Variants in GALNT13 observed in about 807,000 individuals in gnomAD.
GALNT13 encodes the protein polypeptide N-acetylgalactosaminyltransferase 13, also known as UDP-GalNAc:polypeptide N-acetylgalactosaminyltransferase 13.
GALNT13 carries 28 observed loss-of-function variants against 64.2 expected under a neutral mutation model. That is an observed-to-expected ratio of 0.44 (90% confidence interval 0.32 to 0.60). The LOEUF is 0.60. GALNT13 is among the 20% of genes least tolerant of loss of function. The pLI is 0.05. For synonymous variants in GALNT13, 214 were observed against 224.6 expected (o/e 0.95, Z 0.42); for missense variants, 577 against 669.8 (o/e 0.86, Z 1.53).
At chr2:153,408,763 G>A in the GALNT13 span, among the ~76,000 whole-genome samples, 1 of 152,228 alleles carries the variant, frequency 6.6e-6, no homozygotes, top group African/African-American at 2.4e-5. Context: ...TATTGTGATG[G>A]TTAATATTGA....
chr2:153,500,209 G>T, the GALNT13 span, among the ~76,000 whole-genome samples: 2 of 152,124 alleles, frequency 1.3e-5, no homozygotes, highest in Admixed American at 1.3e-4. Flanking sequence ...CCTATCTAAG[G>T]GTTCCCAGTA....
At chr2:154,029,535 C>T (rs1698207028) in intron 3 of GALNT13, among the ~76,000 whole-genome samples, 1 of 152,060 alleles carries the variant, frequency 6.6e-6, no homozygotes, top group Non-Finnish European at 1.5e-5. Flanking sequence ...AGCTTAACTC[C>T]TGAGTAGAAT....
intron 3 of GALNT13, among the ~76,000 whole-genome samples, chr2:153,969,027 G>T (rs571753142): frequency 1.3e-5 from 2 of 152,000 alleles, no homozygotes; most frequent in South Asian, 4.2e-4. Context: ...TAATGAGGAT[G>T]AATTTTAATT....
the GALNT13 span, among the ~76,000 whole-genome samples, chr2:153,181,034 T>TTTC: frequency 8.1e-6 from 1 of 122,912 alleles, no homozygotes; most frequent in African/African-American, 2.8e-5. Context: ...TTGTTTCTTT[T>TTTC]TTTTTTTTTT....
the GALNT13 span, among the ~76,000 whole-genome samples, chr2:153,346,036 G>A: frequency 5.9e-5 from 9 of 151,988 alleles, 1 homozygote; most frequent in Middle Eastern, 3.4e-3. Context: ...GTGCAGTGGC[G>A]CGATCTCGGC....
At chr2:153,179,345 G>GA in the GALNT13 span, among the ~76,000 whole-genome samples, 1 of 152,080 alleles carries the variant, frequency 6.6e-6, no homozygotes, top group Non-Finnish European at 1.5e-5. Context: ...CACCTTTATT[G>GA]AAAATCAATT....
chr2:153,135,797 C>T, the GALNT13 span, among the ~76,000 whole-genome samples: 2 of 151,706 alleles, frequency 1.3e-5, no homozygotes, highest in East Asian at 3.9e-4. Context: ...GGTAAGGAGA[C>T]CAAGGGAAAC....
At chr2:154,181,338 T>C (rs1296380395) in intron 4 of GALNT13, among the ~76,000 whole-genome samples, 1 of 152,058 alleles carries the variant, frequency 6.6e-6, no homozygotes, top group Non-Finnish European at 1.5e-5. Context: ...ATTTTATCCT[T>C]GAAGAGAAAA....
intron 1 of GALNT13, among the ~76,000 whole-genome samples, chr2:153,885,456 C>A (rs1687104729): frequency 6.6e-6 from 1 of 150,844 alleles, no homozygotes; most frequent in Admixed American, 6.6e-5. Flanking sequence ...TTTCCCACAG[C>A]TTAATGGTTT....
the GALNT13 span, among the ~76,000 whole-genome samples, chr2:153,324,206 C>T: frequency 6.6e-6 from 1 of 152,176 alleles, no homozygotes; most frequent in Non-Finnish European, 1.5e-5. Context: ...AGAAGTCCTT[C>T]ACATTCCCTT....
chr2:153,953,325 T>C (rs1692333326), intron 3 of GALNT13, among the ~76,000 whole-genome samples: 1 of 152,168 alleles, frequency 6.6e-6, no homozygotes. Context: ...TAGTCAATAG[T>C]AATAACACAA....
chr2:154,280,997 A>T (rs186659689), intron 8 of GALNT13, among the ~76,000 whole-genome samples: 6 of 152,322 alleles, frequency 3.9e-5, no homozygotes, highest in African/African-American at 1.2e-4. Flanking sequence ...AATTCCAATA[A>T]TTCTACTTTT....
At chr2:154,346,412 G>C (rs1396006108) in intron 9 of GALNT13, among the ~76,000 whole-genome samples, 2 of 152,016 alleles carry the variant, frequency 1.3e-5, no homozygotes, top group African/African-American at 4.8e-5. Flanking sequence ...GTCTCATCTT[G>C]AATTGTGGCT....
chr2:154,025,275 A>G (rs968316134), intron 3 of GALNT13, among the ~76,000 whole-genome samples: 14 of 152,202 alleles, frequency 9.2e-5, no homozygotes, highest in African/African-American at 3.4e-4. Context: ...TGGGTGCTGT[A>G]GACTGGAGCT....
the GALNT13 span, among the ~76,000 whole-genome samples, chr2:153,086,120 T>A: frequency 6.6e-6 from 1 of 152,252 alleles, no homozygotes; most frequent in Non-Finnish European, 1.5e-5. Flanking sequence ...TTGGAAGAGG[T>A]GTATTTATCC....
the GALNT13 span, among the ~76,000 whole-genome samples, chr2:153,285,247 G>A: frequency 6.6e-6 from 1 of 151,996 alleles, no homozygotes; most frequent in Non-Finnish European, 1.5e-5. Flanking sequence ...TGCCCCCATG[G>A]TCCAATTACC....
rs545537227 is a variant in GALNT13 at position 154,085,914 on chromosome 2, A to G, written c.143-54423A>G. Reference sequence around the variant, plus strand: ...CTCCATCTCTACAGAAAAAATTAAAATAAAAAATAAACGTAAAAAAATAAA... The same window carrying G: ...CTCCATCTCTACAGAAAAAATTAAAGTAAAAAATAAACGTAAAAAAATAAA... On this transcript the variant is annotated intron_variant, in intron 3 of 12. Transcript: ENST00000392825. Among the ~76,000 whole-genome samples, 144 of 140,592 alleles carry G rather than the reference A, an allele frequency of 1.0e-3. No individual in the cohort carries two copies. In the Middle Eastern group the frequency reaches 0.011, roughly 10 times the overall value. The allele number at this position is 140,592 out of a possible 152,430, so 92.2% of individuals were successfully genotyped here. A position where few individuals can be genotyped will look rare whatever the true frequency, so the allele number is the denominator to read the frequency against.
the GALNT13 span, among the ~76,000 whole-genome samples, chr2:153,374,261 C>T: frequency 6.6e-6 from 1 of 152,132 alleles, no homozygotes; most frequent in Non-Finnish European, 1.5e-5. Context: ...CACTTGTTAC[C>T]TGTTAGCCAT....
the GALNT13 span, among the ~76,000 whole-genome samples, chr2:153,442,403 T>G: frequency 6.6e-6 from 1 of 152,178 alleles, no homozygotes; most frequent in Non-Finnish European, 1.5e-5. Context: ...TTGCCTGAAA[T>G]TTTCTTTTTT....
Sources: gnomAD v4.1 joint callset for allele counts (sites outside exome capture counted in the v4.1 genomes callset) on GRCh38, gnomAD v4.1.1 for gene constraint, MANE v1.5 for transcripts, NCBI Gene and HGNC (gene_info 2026-07-23, HGNC 2026-07-21) for gene names.